The following BEND7 variants were observed in gnomAD, a reference collection of about 807,000 sequenced individuals.
BEND7 encodes the protein BEN domain containing 7.
Under a neutral mutation model 50.9 loss-of-function variants are expected in BEND7, and 28 were observed. The observed-to-expected ratio is 0.55, with a 90% CI of 0.41 to 0.75. The LOEUF (loss-of-function observed/expected upper bound fraction) is 0.75. Among genes scored for constraint, BEND7 ranks in the 30% least tolerant of loss-of-function variants. The pLI is 0.00. For missense variants in BEND7, 477 were observed against 491.3 expected (o/e 0.97, Z 0.28); for synonymous variants, 170 against 183.9 (o/e 0.92, Z 0.61).
chr10:13,445,436 AGGT>A (rs1836112127), intron 8 of BEND7: 1 of 152,242 alleles, frequency 6.6e-6, no homozygotes, highest in South Asian at 2.1e-4. Flanking sequence ...GCTTTGGCTT[AGGT>A]ATGAGAAAGC....
intron 6 of BEND7, among the ~76,000 whole-genome samples, chr10:13,461,855 G>A (rs993420584): frequency 2.0e-5 from 3 of 152,154 alleles, no homozygotes; most frequent in Admixed American, 6.5e-5. Context: ...GCTCCAGAGA[G>A]AGGGAAATGC....
intron 4 of BEND7, among the ~76,000 whole-genome samples, chr10:13,495,190 G>A (rs761971483): frequency 1.2e-4 from 18 of 152,210 alleles, no homozygotes; most frequent in East Asian, 3.9e-4. Context: ...ATTCCTCCTC[G>A]GAGAAAAGAA....
intron 6 of BEND7, among the ~76,000 whole-genome samples, chr10:13,476,090 G>A (rs757879696): frequency 1.3e-4 from 20 of 152,092 alleles, no homozygotes; most frequent in Non-Finnish European, 2.4e-4. Context: ...ATAGAAAAGA[G>A]CTATTCACTT....
chr10:13,485,211 G>A (rs932716661), intron 5 of BEND7, among the ~76,000 whole-genome samples: 6 of 152,076 alleles, frequency 3.9e-5, no homozygotes, highest in Admixed American at 1.3e-4. Context: ...GTTAACCACC[G>A]AGGGACTATT....
intron 6 of BEND7, among the ~76,000 whole-genome samples, chr10:13,472,665 C>T (rs1249201139): frequency 6.6e-6 from 1 of 151,978 alleles, no homozygotes; most frequent in African/African-American, 2.4e-5. Context: ...CCCATCATCA[C>T]TGTTAGACTC....
chr10:13,509,200 G>C (rs536512958), intron 2 of BEND7, among the ~76,000 whole-genome samples: 1 of 152,236 alleles, frequency 6.6e-6, no homozygotes, highest in African/African-American at 2.4e-5. Context: ...AGAGTCCTAG[G>C]AGGGGAATAA....
intron 6 of BEND7, among the ~76,000 whole-genome samples, chr10:13,464,056 T>C (rs888500952): frequency 1.3e-5 from 2 of 152,338 alleles, no homozygotes; most frequent in East Asian, 3.9e-4. Context: ...GAAAGTGGGA[T>C]TTCTTCTACC....
At chr10:13,487,712 G>C (rs745935853) in intron 5 of BEND7, among the ~76,000 whole-genome samples, 5 of 151,994 alleles carry the variant, frequency 3.3e-5, no homozygotes, top group African/African-American at 4.8e-5. Flanking sequence ...ATGTGTCAAT[G>C]AGTAAATTTA....
rs143091996 is a variant in BEND7, at chr10:13,490,511, G to A, written c.837+2100C>T. On this transcript the variant is annotated intron_variant, in intron 5 of 8. Coordinates refer to ENST00000466271, the MANE Select transcript of BEND7 (RefSeq NM_001369863.1). ...TGTCTCTCCATGCTCTCCTCTCCAG[G>A]CTCACTGCTCCTGTCTAGCCCTCCT... Among the ~76,000 whole-genome samples, 4 of 152,244 alleles carry A rather than the reference G, an allele frequency of 2.6e-5. No homozygotes were observed. The East Asian group carries it at 5.8e-4, about 22-fold the overall frequency.
chr10:13,517,537 G>A (rs1476588654), intron 2 of BEND7, among the ~76,000 whole-genome samples: 2 of 152,150 alleles, frequency 1.3e-5, no homozygotes, highest in Non-Finnish European at 2.9e-5. Context: ...AGGATTGCTT[G>A]AGGCCAGCAG....
chr10:13,503,678 C>T (rs1469545142), intron 2 of BEND7, among the ~76,000 whole-genome samples: 3 of 152,168 alleles, frequency 2.0e-5, no homozygotes, highest in East Asian at 3.8e-4. Flanking sequence ...TGCCACTGCA[C>T]TCCAGCCTGG....
chr10:13,498,868 C>T (rs1001661136), intron 3 of BEND7, among the ~76,000 whole-genome samples: 7 of 152,170 alleles, frequency 4.6e-5, no homozygotes, highest in Admixed American at 3.9e-4. Context: ...TTCGCTGTCT[C>T]ATCAATGTCT....
chr10:13,475,733 T>G (rs1054271834), intron 6 of BEND7, among the ~76,000 whole-genome samples: 2 of 152,218 alleles, frequency 1.3e-5, no homozygotes, highest in African/African-American at 4.8e-5. Context: ...AGATAGAAAT[T>G]AAAAACTGAA....
At chr10:13,481,189 A>G in intron 5 of BEND7, 65 bp from the exon 6 acceptor site, 1 of 1,488,984 alleles carries the variant, frequency 6.7e-7, no homozygotes, top group Non-Finnish European at 9.2e-7. Flanking sequence ...TGGGTACATG[A>G]GCAACAAAAA....
rs552848877 is a variant in BEND7 at position 13,523,991 on chromosome 10, C to T, written c.145+2147G>A. ...CCTTCTGGAGCAACCACTTTGAAAG[C>T]GTATCTATCTCAAGCCTGGTCCTTC... On this transcript the variant is annotated intron_variant, in intron 2 of 8. Coordinates refer to ENST00000466271, the MANE Select transcript of BEND7 (RefSeq NM_001369863.1). Among the ~76,000 whole-genome samples, 17 of 152,318 alleles carry T rather than the reference C, an allele frequency of 1.1e-4. No homozygotes were observed. In the South Asian group the frequency reaches 3.3e-3, roughly 30 times the overall value.
upstream of BEND7, among the ~76,000 whole-genome samples, chr10:13,529,178 G>T (rs2079582662): frequency 6.9e-6 from 1 of 144,980 alleles, no homozygotes; most frequent in Non-Finnish European, 1.5e-5. Context: ...GAGGAGGCGC[G>T]GAGGCCGCGG....
intron 5 of BEND7, among the ~76,000 whole-genome samples, chr10:13,490,558 C>T (rs1258148000): frequency 1.3e-5 from 2 of 152,206 alleles, no homozygotes; most frequent in Non-Finnish European, 2.9e-5. Flanking sequence ...TGGCAGGCTG[C>T]ATGCATCTTC....
intron 5 of BEND7, 89 bp downstream of exon 5, chr10:13,492,522 C>G (rs1005552219): frequency 6.7e-7 from 1 of 1,495,730 alleles, no homozygotes; most frequent in East Asian, 2.3e-5. Context: ...GCAAGTTTCT[C>G]TAGTTGTCAA....
intron 2 of BEND7, chr10:13,500,597 C>G: frequency 1.0e-6 from 1 of 987,020 alleles, no homozygotes; most frequent in Non-Finnish European, 1.2e-6. Context: ...ACACAATGTC[C>G]TTCAGGATGA....
Sources: allele counts gnomAD v4.1 joint callset (sites outside exome capture counted in the v4.1 genomes callset), GRCh38; gene constraint gnomAD v4.1.1; transcripts MANE v1.5; gene names NCBI Gene and HGNC (gene_info 2026-07-23, HGNC 2026-07-21).